Variants in NKAIN3 observed in about 807,000 individuals in gnomAD.
NKAIN3 encodes the protein sodium/potassium-transporting ATPase subunit beta-1-interacting protein 3.
Under a neutral mutation model 30.2 loss-of-function variants are expected in NKAIN3, and 25 were observed. That is an observed-to-expected ratio of 0.83 (90% CI 0.60 to 1.16). NKAIN3 has a LOEUF of 1.16. Ranked by LOEUF, NKAIN3 falls within the 50% of genes most tolerant of loss-of-function variation. NKAIN3 has a pLI of 0.00. For synonymous variants in NKAIN3, 91 were observed against 89.6 expected (o/e 1.02, Z -0.09); for missense variants, 225 against 254.1 (o/e 0.89, Z 0.78).
intron 6 of NKAIN3, among the ~76,000 whole-genome samples, chr8:62,956,584 T>G (rs543391359): frequency 6.6e-6 from 1 of 152,112 alleles, no homozygotes; most frequent in Non-Finnish European, 1.5e-5. Context: ...GGAAGTGGGG[T>G]TGGGATAGGG....
intron 1 of NKAIN3, among the ~76,000 whole-genome samples, chr8:62,253,980 G>A (rs528662286): frequency 6.6e-6 from 1 of 151,740 alleles, no homozygotes; most frequent in African/African-American, 2.4e-5. Flanking sequence ...TTTCAATACC[G>A]TGGTTCATGC....
At chr8:62,607,727 C>A (rs1339223635) in intron 3 of NKAIN3, among the ~76,000 whole-genome samples, 6 of 151,870 alleles carry the variant, frequency 4.0e-5, no homozygotes, top group Non-Finnish European at 8.8e-5. Flanking sequence ...ATGAAGGTAG[C>A]CTTGGCCCCC....
At chr8:62,941,619 A>T (rs1386690679) in intron 5 of NKAIN3, among the ~76,000 whole-genome samples, 1 of 152,182 alleles carries the variant, frequency 6.6e-6, no homozygotes, top group Non-Finnish European at 1.5e-5. Context: ...CAAGTCAATA[A>T]ATGTGATACA....
intron 3 of NKAIN3, among the ~76,000 whole-genome samples, chr8:62,741,026 GA>G (rs34258703): frequency 0.13 from 17,636 of 134,410 alleles, 1,184 homozygotes; most frequent in African/African-American, 0.21. Flanking sequence ...TAAACTTTAT[GA>G]AAAAAAAAAA....
intron 1 of NKAIN3, among the ~76,000 whole-genome samples, chr8:62,320,816 A>G (rs1010312806): frequency 1.3e-5 from 2 of 151,988 alleles, no homozygotes; most frequent in Admixed American, 6.6e-5. Context: ...GTGTCTTGGA[A>G]TTGCTCTTCT....
At chr8:62,908,305 T>C (rs1457084864) in intron 4 of NKAIN3, among the ~76,000 whole-genome samples, 1 of 152,172 alleles carries the variant, frequency 6.6e-6, no homozygotes, top group Non-Finnish European at 1.5e-5. Context: ...TACAGGCTCA[T>C]AGGTGGAAGG....
intron 5 of NKAIN3, chr8:62,990,342 A>G (rs897899867): frequency 2.1e-5 from 28 of 1,334,648 alleles, no homozygotes; most frequent in Non-Finnish European, 2.5e-5. Context: ...CCCCAGATTC[A>G]ACATCTTCCT....
intron 1 of NKAIN3, among the ~76,000 whole-genome samples, chr8:62,497,580 G>GTAT (rs1394957879): frequency 6.6e-6 from 1 of 152,082 alleles, no homozygotes; most frequent in Non-Finnish European, 1.5e-5. Context: ...GGTTCCAGGT[G>GTAT]TATTTTCAAT....
At chr8:62,906,870 C>T (rs1264768315) in intron 4 of NKAIN3, among the ~76,000 whole-genome samples, 1 of 152,124 alleles carries the variant, frequency 6.6e-6, no homozygotes, top group African/African-American at 2.4e-5. Context: ...CAGACTAATA[C>T]AGTAAATTGG....
intron 3 of NKAIN3, among the ~76,000 whole-genome samples, chr8:62,735,737 CT>C (rs1815640742): frequency 6.6e-6 from 1 of 152,050 alleles, no homozygotes; most frequent in Non-Finnish European, 1.5e-5. Context: ...TACCAGAATT[CT>C]TTTTCTGGTT....
chr8:62,571,890 C>T (rs964399076), intron 1 of NKAIN3, among the ~76,000 whole-genome samples: 34 of 152,098 alleles, frequency 2.2e-4, no homozygotes, highest in African/African-American at 6.8e-4. Context: ...GGCCGGCCCA[C>T]GAAACCACTT....
chr8:62,476,403 CAGTT>C (rs1480320384), intron 1 of NKAIN3, among the ~76,000 whole-genome samples: 5 of 151,564 alleles, frequency 3.3e-5, no homozygotes, highest in East Asian at 3.9e-4. Context: ...ACATGTTAGA[CAGTT>C]AGTATCTTTT....
intron 1 of NKAIN3, among the ~76,000 whole-genome samples, chr8:62,260,631 A>G (rs1275076956): frequency 1.3e-5 from 2 of 152,066 alleles, no homozygotes; most frequent in Non-Finnish European, 2.9e-5. Flanking sequence ...CATTTGCTTT[A>G]TATCTGGATG....
chr8:62,604,282 C>G (rs1052505872), intron 3 of NKAIN3, among the ~76,000 whole-genome samples: 4 of 152,102 alleles, frequency 2.6e-5, no homozygotes, highest in Admixed American at 2.0e-4. Context: ...CAAGAATGAG[C>G]TAGAATCGCC....
intron 1 of NKAIN3, among the ~76,000 whole-genome samples, chr8:62,425,542 T>C (rs1804780392): frequency 6.6e-6 from 1 of 151,844 alleles, no homozygotes; most frequent in African/African-American, 2.4e-5. Context: ...CTTATAGACT[T>C]TGGGTTAAAT....
rs193251373 is a variant in NKAIN3 at position 62,908,834 on chromosome 8, G to A, written c.472-9619G>A. 1.1e-3 allele frequency among the ~76,000 whole-genome samples: 167 copies of A among 152,304 alleles called. 2 individuals are homozygous for A. Among genetic ancestry groups the A allele is most frequent in the Middle Eastern group, 3.4e-3 (1 of 294 alleles). ...AGACTAATATACCATATATAAAATA[G>A]AGAAACATCTATCATTCCTTAAGGA... On this transcript the variant is annotated intron_variant, in intron 4 of 6. Transcript: ENST00000623646.
At chr8:62,940,150 T>TTA in intron 5 of NKAIN3, among the ~76,000 whole-genome samples, 1 of 145,476 alleles carries the variant, frequency 6.9e-6, no homozygotes, top group East Asian at 2.0e-4. Flanking sequence ...CAACAACAGT[T>TTA]AAAAAAAAAA....
At chr8:62,914,103 T>C (rs1458129905) in intron 4 of NKAIN3, among the ~76,000 whole-genome samples, 2 of 152,094 alleles carry the variant, frequency 1.3e-5, no homozygotes, top group South Asian at 2.1e-4. Context: ...CAAATACCCA[T>C]CAATGATAGA....
intron 4 of NKAIN3, among the ~76,000 whole-genome samples, chr8:62,822,303 A>C (rs925668828): frequency 6.6e-6 from 1 of 152,194 alleles, no homozygotes; most frequent in African/African-American, 2.4e-5. Context: ...AATTCTATTG[A>C]TAAAAATACA....
Sources: allele counts gnomAD v4.1 joint callset (sites outside exome capture counted in the v4.1 genomes callset), GRCh38; gene constraint gnomAD v4.1.1; transcripts MANE v1.5; gene names NCBI Gene and HGNC (gene_info 2026-07-23, HGNC 2026-07-21).